The following CNIH3 variants were observed in gnomAD, a reference collection of about 807,000 sequenced individuals.
CNIH3 encodes the protein cornichon family AMPA receptor auxiliary protein 3.
In CNIH3, 14 loss-of-function variants were observed where a neutral mutation model predicts 24.1. The ratio of observed to expected loss-of-function variants is 0.58; its 90% CI spans 0.38 to 0.91. The LOEUF is 0.91. CNIH3 is among the 40% of genes least tolerant of loss of function. The pLI is 0.00. For missense variants in CNIH3, 178 were observed against 196.8 expected (o/e 0.90, Z 0.57); for synonymous variants, 68 against 73.8 (o/e 0.92, Z 0.40).
chr1:224,681,818 C>G (rs1686419080), intron 2 of CNIH3, among the ~76,000 whole-genome samples: 1 of 152,210 alleles, frequency 6.6e-6, no homozygotes, highest in Admixed American at 6.5e-5. Context: ...TCCCTACCTG[C>G]ACTTCTGAGT....
intron 3 of CNIH3, among the ~76,000 whole-genome samples, chr1:224,709,674 G>A (rs1024110507): frequency 6.6e-6 from 1 of 152,220 alleles, no homozygotes; most frequent in Non-Finnish European, 1.5e-5. Context: ...AGAGAAGCCA[G>A]GCCACAGGCT....
chr1:224,706,027 AT>A (rs895381772), intron 3 of CNIH3, among the ~76,000 whole-genome samples: 3 of 151,564 alleles, frequency 2.0e-5, no homozygotes, highest in Non-Finnish European at 4.4e-5. Context: ...GCAGCACTGC[AT>A]TTTTCTTTCC....
intron 1 of CNIH3, among the ~76,000 whole-genome samples, chr1:224,662,298 G>A (rs573508146): frequency 4.5e-4 from 68 of 152,218 alleles, no homozygotes; most frequent in African/African-American, 1.6e-3. Context: ...ATTAGACAGA[G>A]CTAGTCATTA....
At chr1:224,519,975 T>C (rs1245686433) in intron 1 of CNIH3, among the ~76,000 whole-genome samples, 1 of 152,208 alleles carries the variant, frequency 6.6e-6, no homozygotes, top group African/African-American at 2.4e-5. Flanking sequence ...TCCATCACTG[T>C]AGAAAGTTCT....
rs1408636391 is a variant in CNIH3 at position 224,604,161 on chromosome 1, GC to G, written n.402+37899del. ...TCCTTGTGACATCCTATGACAATTA[GC>G]CTGAATTAATGAGTTTAATTTTGAA... On this transcript the variant is annotated intron_variant and non_coding_transcript_variant, in intron 3 of 7. Coordinates refer to the CNIH3 transcript ENST00000478120. The surrounding 1 kb of genome is among the most constrained non-coding windows in gnomAD (Gnocchi z 4.4). Among the ~76,000 whole-genome samples, 1 of 152,190 alleles carries G rather than the reference GC, an allele frequency of 6.6e-6. No homozygotes were observed. The highest frequency in any genetic ancestry group is 1.5e-5 in the Non-Finnish European group (1 of 68,034).
chr1:224,695,389 CACACA>C (rs1300683812), intron 3 of CNIH3, among the ~76,000 whole-genome samples: 27 of 142,666 alleles, frequency 1.9e-4, no homozygotes, highest in South Asian at 6.9e-4. Flanking sequence ...CACACACACA[CACACA>C]CCCCTGTTGG....
intron 1 of CNIH3, among the ~76,000 whole-genome samples, chr1:224,508,402 ATTTG>A (rs1678002696): frequency 6.6e-6 from 1 of 152,176 alleles, no homozygotes; most frequent in Non-Finnish European, 1.5e-5. Flanking sequence ...TTTATACTGT[ATTTG>A]TCTGTGTCTT....
chr1:224,529,876 G>T (rs1678996590), intron 2 of CNIH3, among the ~76,000 whole-genome samples: 1 of 152,188 alleles, frequency 6.6e-6, no homozygotes, highest in Non-Finnish European at 1.5e-5. Context: ...ATAACGAGGG[G>T]TTAGAGACTT....
At chr1:224,464,328 T>C in intron 1 of CNIH3, among the ~76,000 whole-genome samples, 1 of 151,970 alleles carries the variant, frequency 6.6e-6, no homozygotes. Flanking sequence ...ATGGGGTCTC[T>C]ATATGTTGCC....
At chr1:224,522,551 C>A (rs1021475351) in intron 2 of CNIH3, among the ~76,000 whole-genome samples, 2 of 152,162 alleles carry the variant, frequency 1.3e-5, no homozygotes, top group African/African-American at 4.8e-5. Context: ...CAAACAACTC[C>A]AGCAAATAAA....
intron 3 of CNIH3, among the ~76,000 whole-genome samples, chr1:224,717,340 GT>G (rs1035638421): frequency 1.3e-5 from 2 of 152,264 alleles, no homozygotes; most frequent in African/African-American, 2.4e-5. Flanking sequence ...TTGCTCCTTA[GT>G]GTCTTTCCTT....
At chr1:224,434,986 T>C in intron 1 of CNIH3, 1 of 985,386 alleles carries the variant, frequency 1.0e-6, no homozygotes, top group Non-Finnish European at 1.2e-6. Context: ...CCGACTCCTA[T>C]CCGATCCTAT....
At chr1:224,513,356 G>A (rs1270590235), upstream of CNIH3, among the ~76,000 whole-genome samples, 1 of 126,104 alleles carries the variant, frequency 7.9e-6, no homozygotes, top group Non-Finnish European at 1.7e-5. Context: ...GTGGGGGTGG[G>A]GGTGGGAGGG....
chr1:224,663,321 C>T (rs1685448241), intron 1 of CNIH3, among the ~76,000 whole-genome samples: 1 of 152,114 alleles, frequency 6.6e-6, no homozygotes, highest in African/African-American at 2.4e-5. Context: ...TCCAAGCAGG[C>T]CGCAATGTGG....
At chr1:224,546,733 T>C in intron 2 of CNIH3, 1 of 203,436 alleles carries the variant, frequency 4.9e-6, no homozygotes, top group Non-Finnish European at 8.7e-6. Flanking sequence ...GTTGTCAAAA[T>C]GTATCTTCCA....
chr1:224,478,386 C>T (rs997044661), intron 1 of CNIH3, among the ~76,000 whole-genome samples: 1 of 152,114 alleles, frequency 6.6e-6, no homozygotes, highest in East Asian at 1.9e-4. Context: ...CAAATAGCTT[C>T]TTCTCAAGCT....
intron 1 of CNIH3, among the ~76,000 whole-genome samples, chr1:224,439,193 A>T (rs1674788356): frequency 2.6e-5 from 4 of 152,214 alleles, no homozygotes; most frequent in Admixed American, 2.0e-4. Context: ...CCCTTCTGCA[A>T]ACATTCCATT....
chr1:224,731,744 A>G (rs1384370970), intron 4 of CNIH3, among the ~76,000 whole-genome samples: 1 of 152,266 alleles, frequency 6.6e-6, no homozygotes, highest in Non-Finnish European at 1.5e-5. Flanking sequence ...GTAGGAGCAT[A>G]GAGAAAGAAG....
intron 1 of CNIH3, among the ~76,000 whole-genome samples, chr1:224,644,202 C>T (rs1029312445): frequency 6.6e-6 from 1 of 152,086 alleles, no homozygotes; most frequent in Non-Finnish European, 1.5e-5. Context: ...TTGTTACAAG[C>T]ATGTTGTTTG....
Sources: gnomAD v4.1 joint callset for allele counts (sites outside exome capture counted in the v4.1 genomes callset) on GRCh38, gnomAD v4.1.1 for gene constraint, Gnocchi (gnomAD v3.1) non-coding constraint, MANE v1.5 for transcripts, NCBI Gene and HGNC (gene_info 2026-07-23, HGNC 2026-07-21) for gene names.